EVPLL: variants seen among roughly 807,000 people sequenced by gnomAD.
EVPLL encodes envoplakin-like protein.
In EVPLL, 39 loss-of-function variants were observed where a neutral mutation model predicts 46.2. That is an observed-to-expected ratio of 0.84 (90% CI 0.65 to 1.10). The LOEUF (loss-of-function observed/expected upper bound fraction) is 1.10, where lower values mean the gene tolerates loss of function less well. Among genes scored for constraint, EVPLL ranks in the 50% least tolerant of loss-of-function variants. The probability of loss-of-function intolerance (pLI) is 0.00; values close to 1 mark genes in which losing one functional copy is unlikely to be tolerated. For missense variants in EVPLL, 385 were observed against 412.6 expected (o/e 0.93, Z 0.58); for synonymous variants, 156 against 165.8 (o/e 0.94, Z 0.46).
rs777246823 is a variant in EVPLL, at chr17:18,380,990, G to A, written c.53G>A (p.Arg18Lys). The A allele has an allele frequency of 3.8e-6, 6 of 1,589,500 alleles. No homozygotes were observed. The East Asian group carries it at 1.2e-4, about 31-fold the overall frequency. The change falls in exon 2 of 11, where the codon AGG becomes AAG. Residue 18 changes from arginine to lysine, a missense_variant. Physicochemically the swap from Arg to Lys is conservative, Grantham distance 26. Transcript: ENST00000399134. ...VERDILETQK[R>K]LQQDRLNSEQ... The stretch of plus-strand genomic sequence containing the variant: ...CGGGACATCCTGGAGACGCAGAAGA[G>A]GCTGCAGCAGGTGAGAACCCGGCAG...
At chr17:18,382,704 G>C in intron 5 of EVPLL, 66 bp downstream of exon 5, 1 of 1,554,484 alleles carries the variant, frequency 6.4e-7, no homozygotes, top group Admixed American at 2.0e-5. Context: ...AGTCAGAGCC[G>C]GAGCTAGATC....
chr17:18,384,130 C>A (rs1352721169), intron 9 of EVPLL, among the ~76,000 whole-genome samples: 1 of 151,998 alleles, frequency 6.6e-6, no homozygotes, highest in Non-Finnish European at 1.5e-5. Context: ...AGTACAGATC[C>A]ACATACAGCA....
In EVPLL at chr17:18,384,988, A is replaced by G. The variant is rs1052827132; in HGVS notation, c.876+1401A>G. ...AGGATGGAGAGAGCAGAGAGAGAGA[A>G]ACAGAGATGGGGAAAGGGGCAAGAG... On this transcript the variant is annotated intron_variant, in intron 9 of 10. Transcript: ENST00000399134. 1.0e-3 allele frequency among the ~76,000 whole-genome samples: 122 copies of G among 116,270 alleles called. 1 individual carries two copies. Among genetic ancestry groups the G allele is most frequent in the Non-Finnish European group, 2.5e-4 (13 of 52,916 alleles). 76.3% of individuals were successfully genotyped at this position (116,270 alleles called of 152,430 possible).
chr17:18,386,232 A>G (rs1177949005), intron 9 of EVPLL, among the ~76,000 whole-genome samples: 2 of 152,012 alleles, frequency 1.3e-5, no homozygotes, highest in Non-Finnish European at 2.9e-5. Context: ...CCCTCTATGC[A>G]TGTCTCTGTG....
chr17:18,385,160 G>A lies in EVPLL; in HGVS notation c.876+1573G>A, dbSNP rs553064224. On this transcript the variant is annotated intron_variant, in intron 9 of 10. Transcript: ENST00000399134. The stretch of plus-strand genomic sequence containing the variant: ...ATCACCTAACTGCAGGTGCAATAAA[G>A]CCCTCGTGCCTGCTGCTCGCAGCCC... 9.3e-4 allele frequency among the ~76,000 whole-genome samples: 137 copies of A among 147,688 alleles called. 1 individual carries two copies. Among genetic ancestry groups the A allele is most frequent in the South Asian group, 8.3e-3 (38 of 4,560 alleles).
At chr17:18,388,130 C>T (rs1430439400) in intron 9 of EVPLL, 89 bp from the exon 10 acceptor site, 9 of 747,932 alleles carry the variant, frequency 1.2e-5, no homozygotes, top group Admixed American at 1.0e-4. Flanking sequence ...ACAGCCAACC[C>T]TCAAATAATA....
At chr17:18,382,477 G>A (rs1227752925) in intron 4 of EVPLL, 36 bp from the exon 5 acceptor site, 2 of 1,550,534 alleles carry the variant, frequency 1.3e-6, no homozygotes, top group African/African-American at 2.7e-5. Flanking sequence ...TCTCCACCCT[G>A]GTCCTGTGGT....
chr17:18,379,267 C>A (rs1384183990), intron 1 of EVPLL, among the ~76,000 whole-genome samples: 2 of 152,196 alleles, frequency 1.3e-5, no homozygotes. Flanking sequence ...CCGCCTGGGT[C>A]CAGGGTGTCG....
chr17:18,383,073 T>C lies in EVPLL; in HGVS notation c.560T>C (p.Leu187Pro). The stretch of plus-strand genomic sequence containing the variant: ...GAGCCTGGGCAGCCTGTACACGCAC[T>C]GCAGGGCTGCACGTGGCAGCTGAGC... ...RAEPGQPVHA[L>P]QGCTWQLSAL... The change falls in exon 7 of 11, where the codon CTG becomes CCG. Residue 187 changes from leucine (L) to proline (P), a missense_variant. Leu to Pro is a moderately conservative substitution (Grantham distance 98, BLOSUM62 -3). Transcript: ENST00000399134. 1 of 1,556,084 alleles carries C rather than the reference T, an allele frequency of 6.4e-7. No individual in the cohort carries two copies.
At position 18,381,755 on chromosome 17, in the gene EVPLL, A is replaced by G; in HGVS notation, c.346+25A>G. ...GGTCAGGAGCTCAAAGTCACACCCCAGTGTGATCAGAGGGTGATACGGAAC... is the reference window on the plus strand; with the variant it reads ...GGTCAGGAGCTCAAAGTCACACCCCGGTGTGATCAGAGGGTGATACGGAAC... On this transcript the variant is annotated intron_variant, in intron 4 of 10. Transcript: ENST00000399134. The surrounding 1 kb of genome is among the most constrained non-coding windows in gnomAD (Gnocchi z 4.2). 1 of 1,613,972 alleles carries G rather than the reference A, an allele frequency of 6.2e-7. No homozygotes were observed. Among genetic ancestry groups the G allele is most frequent in the Non-Finnish European group, 8.5e-7 (1 of 1,179,976 alleles).
chr17:18,381,468 C>T lies in EVPLL; in HGVS notation c.165C>T (p.Asp55=), dbSNP rs569114246. The part of the protein sequence containing the change: ...AEVLLKDLFL[D]VDKARRLKHP... The stretch of plus-strand genomic sequence containing the variant: ...TGCTGCTCAAGGACCTCTTCCTGGA[C>T]GTGGACAAGGCCCGGCGGCTCAAGC... Residue 55 remains aspartate, a synonymous_variant, in exon 3 of 11, where the codon GAC becomes GAT. Transcript: ENST00000399134. This position sits in a 1 kb window ranked among gnomAD's most constrained non-coding sequence, Gnocchi z 4.2. 43 of 1,613,788 alleles carry T rather than the reference C, an allele frequency of 2.7e-5. No homozygotes were observed. The East Asian group carries it at 5.3e-4, about 20-fold the overall frequency.
Position 18,383,579 on chromosome 17 carries a change from T to G in EVPLL, c.868T>G (p.Tyr290Asp). 2 of 1,460,978 alleles carry G rather than the reference T, an allele frequency of 1.4e-6. No individual in the cohort carries two copies. The highest frequency in any genetic ancestry group is 1.8e-6 in the Non-Finnish European group (2 of 1,096,080). The allele number at this position is 1,460,978 out of a possible 1,614,324, so 90.5% of individuals were successfully genotyped here. Reference sequence around the variant, plus strand: ...GACCCAGCTCCAGCACGTGGAGGACTACAGCCGGGTGAGCCCTCGGGCAGC... The same window carrying G: ...GACCCAGCTCCAGCACGTGGAGGACGACAGCCGGGTGAGCCCTCGGGCAGC... ...QETQLQHVED[Y>D]SRILCPSSSP... The change falls in exon 9 of 11, where the codon TAC becomes GAC. Residue 290 changes from tyrosine (Y) to aspartate (D), a missense_variant. Tyr to Asp is a radical substitution (Grantham distance 160). Coordinates refer to ENST00000399134, the MANE Select transcript of EVPLL (RefSeq NM_001145127.2).
At chr17:18,382,916 C>T (rs1987633402) in intron 6 of EVPLL, 52 bp downstream of exon 6, 12 of 1,601,496 alleles carry the variant, frequency 7.5e-6, no homozygotes, top group Admixed American at 1.7e-5. Context: ...CCTGGGTGGC[C>T]GCCCGGACCC....
rs76549746 is a variant in EVPLL, at chr17:18,377,969, C to T, written c.-51C>T. 20,221 of 968,426 alleles carry T rather than the reference C, an allele frequency of 0.021. 1,323 individuals are homozygous for T. The East Asian group carries it at 0.25, about 12-fold the overall frequency. 60.0% of individuals were successfully genotyped at this position (968,426 alleles called of 1,614,324 possible). ...CCAAGGGGTCCCCCAAAGGCTCCCC[C>T]AGCAAGCACAGCTGGTGAGTGGGAC... On this transcript the variant is annotated 5_prime_UTR_variant, in exon 1 of 11. Transcript: ENST00000399134.
chr17:18,382,854 G>A lies in EVPLL; in HGVS notation c.501G>A (p.Pro167=), dbSNP rs1291530306. 2 of 1,613,356 alleles carry A rather than the reference G, an allele frequency of 1.2e-6. No homozygotes were observed. Among genetic ancestry groups the A allele is most frequent in the East Asian group, 2.2e-5 (1 of 44,870 alleles). The change falls in exon 6 of 11, where the codon CCG becomes CCA. Residue 167 remains proline, a synonymous_variant. Transcript: ENST00000399134. Reference sequence around the variant, plus strand: ...GCCGCCACCATCCGGAGCCAATACCGAGACCTACTGGTGAGCAGGAGGGAG... The same window carrying A: ...GCCGCCACCATCCGGAGCCAATACCAAGACCTACTGGTGAGCAGGAGGGAG... ...AGCRHHPEPI[P]RPTEGGVVAR... is the part of the protein sequence containing the mutation.
At chr17:18,383,889 C>T (rs1164347794) in intron 9 of EVPLL, among the ~76,000 whole-genome samples, 1 of 152,128 alleles carries the variant, frequency 6.6e-6, no homozygotes, top group Non-Finnish European at 1.5e-5. Flanking sequence ...AGGAGAATCG[C>T]TTGAACCCAG....
At position 18,381,735 on chromosome 17, in the gene EVPLL, G is replaced by GGACTTT. The variant is rs775413054; in HGVS notation, c.346+7_346+8insCTTTGA. 10 of 1,614,038 alleles carry GGACTTT rather than the reference G, an allele frequency of 6.2e-6. No homozygotes were observed. Among genetic ancestry groups the GGACTTT allele is most frequent in the Middle Eastern group, 1.6e-4 (1 of 6,066 alleles). ...CACGTGCTGGAGCAGAAACAGGTCAGGAGCTCAAAGTCACACCCCAGTGTG... is the reference window on the plus strand; with the variant it reads ...CACGTGCTGGAGCAGAAACAGGTCAGGACTTTGAGCTCAAAGTCACACCCCAGTGTG... On this transcript the variant is annotated splice_donor_region_variant and intron_variant, in intron 4 of 10. Coordinates refer to ENST00000399134, the MANE Select transcript of EVPLL (RefSeq NM_001145127.2). The surrounding 1 kb of genome is among the most constrained non-coding windows in gnomAD (Gnocchi z 4.2).
chr17:18,387,167 G>A (rs994611818), intron 9 of EVPLL, among the ~76,000 whole-genome samples: 7 of 150,200 alleles, frequency 4.7e-5, no homozygotes, highest in African/African-American at 1.2e-4. Flanking sequence ...CCAAAGTGCT[G>A]GGATTACAGG....
chr17:18,383,207 C>T, intron 7 of EVPLL, 22 bp downstream of exon 7: 1 of 1,546,918 alleles, frequency 6.5e-7, no homozygotes, highest in Non-Finnish European at 8.7e-7. Flanking sequence ...GAGGTTGGGG[C>T]CAGGCGGGGG....
Sources: allele counts gnomAD v4.1 joint callset (sites outside exome capture counted in the v4.1 genomes callset), GRCh38; gene constraint gnomAD v4.1.1; non-coding constraint Gnocchi (gnomAD v3.1); transcripts MANE v1.5; gene names NCBI Gene and HGNC (gene_info 2026-07-23, HGNC 2026-07-21).